GABRR2: variants seen among roughly 807,000 people sequenced by gnomAD.
The protein encoded by GABRR2 is gamma-aminobutyric acid type A receptor subunit rho2, also known as gamma-aminobutyric acid receptor subunit rho-2.
Under a neutral mutation model 47.0 loss-of-function variants are expected in GABRR2, and 36 were observed. The ratio of observed to expected loss-of-function variants is 0.77; its 90% CI spans 0.59 to 1.01. GABRR2 has a LOEUF of 1.01. Among genes scored for constraint, GABRR2 ranks in the 50% least tolerant of loss-of-function variants. The pLI is 0.00. For synonymous variants in GABRR2, 204 were observed against 227.5 expected, an observed-to-expected ratio of 0.90 and a Z score of 0.93; for missense variants, 587 against 594.6, an observed-to-expected ratio of 0.99 and a Z score of 0.13.
chr6:89,313,366 T>C (rs1033948787), intron 1 of GABRR2, among the ~76,000 whole-genome samples: 1 of 152,232 alleles, frequency 6.6e-6, no homozygotes, highest in Non-Finnish European at 1.5e-5. Context: ...AAAGTTCTGC[T>C]GTAGAGACAT....
chr6:89,296,802 T>C (rs1459423526), intron 2 of GABRR2, among the ~76,000 whole-genome samples: 1 of 152,228 alleles, frequency 6.6e-6, no homozygotes, highest in Non-Finnish European at 1.5e-5. Flanking sequence ...TCTGGGAACA[T>C]GGCAGGATTT....
chr6:89,290,831 C>T (rs959267566), intron 2 of GABRR2, among the ~76,000 whole-genome samples: 1 of 152,170 alleles, frequency 6.6e-6, no homozygotes, highest in Non-Finnish European at 1.5e-5. Flanking sequence ...CAGCTCCCAT[C>T]GGGCGGCTTT....
In GABRR2 at chr6:89,268,109, G is replaced by A; in HGVS notation, c.513-13C>T. 1 of 1,599,144 alleles carries A rather than the reference G, an allele frequency of 6.3e-7. No homozygotes were observed. Among genetic ancestry groups the A allele is most frequent in the Non-Finnish European group, 8.5e-7 (1 of 1,171,458 alleles). The stretch of plus-strand genomic sequence containing the variant: ...AGTGACCGTAATCCTAGACAACCCA[G>A]AGTCACATATTGGCTTGTGCGGTGA... On this transcript the variant is annotated splice_polypyrimidine_tract_variant and intron_variant, in intron 4 of 8. Transcript: ENST00000402938.
Position 89,255,917 on chromosome 6 carries a change from A to G in GABRR2, c.*1753T>C, listed in dbSNP as rs1361459583. ...ACTTCAACTAATTTAAATAATAATAATTATTATTTTAGAGATAGGGTCTCG... is the reference window on the plus strand; with the variant it reads ...ACTTCAACTAATTTAAATAATAATAGTTATTATTTTAGAGATAGGGTCTCG... On this transcript the variant is annotated 3_prime_UTR_variant, in exon 9 of 9. Transcript: ENST00000402938. 6.6e-6 allele frequency among the ~76,000 whole-genome samples: 1 copy of G among 151,786 alleles called. No homozygotes were observed. Among genetic ancestry groups the G allele is most frequent in the African/African-American group, 2.4e-5 (1 of 41,302 alleles).
At chr6:89,295,326 G>C (rs1185501468) in intron 2 of GABRR2, among the ~76,000 whole-genome samples, 2 of 151,932 alleles carry the variant, frequency 1.3e-5, no homozygotes, top group Admixed American at 1.3e-4. Flanking sequence ...TTTTAATGAT[G>C]GCCATTCTAA....
intron 1 of GABRR2, among the ~76,000 whole-genome samples, chr6:89,305,417 C>T (rs1767541640): frequency 6.6e-6 from 1 of 152,140 alleles, no homozygotes; most frequent in Non-Finnish European, 1.5e-5. Flanking sequence ...TGGTGGCTCA[C>T]ACCTGTAATC....
chr6:89,298,315 A>T (rs959957667), intron 2 of GABRR2, among the ~76,000 whole-genome samples: 3 of 152,236 alleles, frequency 2.0e-5, no homozygotes, highest in African/African-American at 7.2e-5. Context: ...ACAGTCACAC[A>T]AGAGGAAGGT....
intron 3 of GABRR2, 39 bp from the exon 4 acceptor site, chr6:89,269,273 G>C: frequency 6.6e-7 from 1 of 1,521,620 alleles, no homozygotes; most frequent in Non-Finnish European, 9.1e-7. Context: ...AAATGGCTTA[G>C]AAGGTTTTCT....
chr6:89,275,582 AC>A (rs1250859604), intron 2 of GABRR2, among the ~76,000 whole-genome samples: 1 of 152,204 alleles, frequency 6.6e-6, no homozygotes, highest in African/African-American at 2.4e-5. Flanking sequence ...AGAAAAACTT[AC>A]TTTTGGAGGC....
chr6:89,313,400 G>A (rs943884885), intron 1 of GABRR2, among the ~76,000 whole-genome samples: 1 of 152,178 alleles, frequency 6.6e-6, no homozygotes, highest in African/African-American at 2.4e-5. Context: ...TCTAAACCAG[G>A]GTTTTCCACG....
rs1562356407 is a variant in GABRR2 at position 89,268,048 on chromosome 6, C to T, written c.561G>A (p.Leu187=). 1.2e-6 allele frequency: 2 copies of T among 1,611,922 alleles called. No individual in the cohort carries two copies. The highest frequency in any genetic ancestry group is 1.6e-4 in the Middle Eastern group (1 of 6,082). The change falls in exon 5 of 9, where the codon CTG becomes CTA. Residue 187 remains leucine (L), a synonymous_variant. Coordinates refer to ENST00000402938, the MANE Select transcript of GABRR2 (RefSeq NM_002043.5). The part of the protein sequence containing the change: ...MCNMDFSHFP[L]DSQTCSLELE... ...GCTCCAAAGAACAGGTCTGGGAGTC[C>T]AGGGGAAAGTGGCTGAAGTCCATGT...
At chr6:89,277,873 G>GGGT (rs1774193261) in intron 2 of GABRR2, among the ~76,000 whole-genome samples, 2 of 137,828 alleles carry the variant, frequency 1.5e-5, no homozygotes, top group South Asian at 2.8e-4. Flanking sequence ...GGGGGTGGGG[G>GGGT]GGGGTGGGGG....
intron 1 of GABRR2, chr6:89,302,591 G>A (rs996240531): frequency 2.1e-5 from 23 of 1,092,884 alleles, no homozygotes; most frequent in South Asian, 1.5e-4. Context: ...CATGAAGCCC[G>A]GGCAGCCAGC....
At chr6:89,293,086 A>G (rs1478680476) in intron 2 of GABRR2, among the ~76,000 whole-genome samples, 2 of 152,144 alleles carry the variant, frequency 1.3e-5, no homozygotes, top group Non-Finnish European at 2.9e-5. Flanking sequence ...GATACACAAA[A>G]TGTGGTATAC....
intron 1 of GABRR2, among the ~76,000 whole-genome samples, chr6:89,308,927 C>T (rs1362441423): frequency 2.6e-5 from 4 of 152,112 alleles, no homozygotes. Flanking sequence ...CCAACCTAGT[C>T]GGGGAGGTGG....
chr6:89,312,180 A>G (rs1216304931), intron 1 of GABRR2, among the ~76,000 whole-genome samples: 1 of 152,190 alleles, frequency 6.6e-6, no homozygotes, highest in Non-Finnish European at 1.5e-5. Context: ...AAGAAGGGCA[A>G]TCGTGTGGTC....
Position 89,299,816 on chromosome 6 carries a change from G to GCTTCC in GABRR2, c.162_163insGGAAG (p.Pro55GlyfsTer16). The GCTTCC allele has an allele frequency of 6.2e-7, 1 of 1,613,930 alleles. No individual in the cohort carries two copies. On this transcript the variant is annotated frameshift_variant, in exon 2 of 9. Coordinates refer to ENST00000402938, the MANE Select transcript of GABRR2 (RefSeq NM_002043.5). LOFTEE classifies it high-confidence loss of function. ...TCGTCCACTCTGAGAAGCTGCTGAG[G>GCTTCC]CTTTCCCTTCCGGATCTTGGTCACA... is the stretch of plus-strand genomic sequence containing the variant.
At chr6:89,262,690 C>G (rs542878030) in intron 8 of GABRR2, among the ~76,000 whole-genome samples, 1 of 152,244 alleles carries the variant, frequency 6.6e-6, no homozygotes, top group South Asian at 2.1e-4. Context: ...ACCAAAATGT[C>G]GTTACATGGC....
intron 8 of GABRR2, among the ~76,000 whole-genome samples, chr6:89,258,347 C>G (rs745663591): frequency 1.3e-5 from 2 of 152,080 alleles, no homozygotes; most frequent in Non-Finnish European, 2.9e-5. Context: ...GGTGTCAGAG[C>G]AGGACTCTAA....
Sources: gnomAD v4.1 joint callset for allele counts (sites outside exome capture counted in the v4.1 genomes callset) on GRCh38, gnomAD v4.1.1 for gene constraint, MANE v1.5 for transcripts, NCBI Gene and HGNC (gene_info 2026-07-23, HGNC 2026-07-21) for gene names.